The following VASH2 variants were observed in gnomAD, a reference collection of about 807,000 sequenced individuals.
VASH2 encodes tubulinyl-Tyr carboxypeptidase 2.
Under a neutral mutation model 37.2 loss-of-function variants are expected in VASH2, and 28 were observed. The observed-to-expected ratio is 0.75, with a 90% confidence interval of 0.56 to 1.03. The LOEUF (loss-of-function observed/expected upper bound fraction) is 1.03. Ranked by LOEUF, VASH2 falls within the 50% of genes least tolerant of loss-of-function variation. The pLI is 0.00. For synonymous variants in VASH2, 188 were observed against 174.7 expected (o/e 1.08, Z -0.60); for missense variants, 419 against 459.1 (o/e 0.91, Z 0.80).
intron 2 of VASH2, among the ~76,000 whole-genome samples, chr1:212,952,251 G>T (rs1666337896): frequency 6.6e-6 from 1 of 152,164 alleles, no homozygotes; most frequent in Non-Finnish European, 1.5e-5. Context: ...CCCAGCAAAT[G>T]ATTTATTAAG....
At chr1:212,956,677 T>C (rs191408156) in intron 2 of VASH2, among the ~76,000 whole-genome samples, 2 of 152,346 alleles carry the variant, frequency 1.3e-5, no homozygotes, top group African/African-American at 4.8e-5. Flanking sequence ...CTTACCAGCA[T>C]TGGGTATCTG....
chr1:212,981,487 T>G (rs1667337668), intron 7 of VASH2, among the ~76,000 whole-genome samples: 1 of 152,190 alleles, frequency 6.6e-6, no homozygotes, highest in Admixed American at 6.5e-5. Flanking sequence ...GACCTGATTC[T>G]GGCCAGACTC....
chr1:212,963,216 T>G (rs995831555), intron 3 of VASH2, among the ~76,000 whole-genome samples: 5 of 152,182 alleles, frequency 3.3e-5, no homozygotes, highest in Non-Finnish European at 7.3e-5. Flanking sequence ...TTTCCATTTT[T>G]CTCTTCTCTG....
intron 5 of VASH2, chr1:212,968,724 G>A: frequency 1.0e-6 from 1 of 985,498 alleles, no homozygotes; most frequent in Non-Finnish European, 1.2e-6. Flanking sequence ...AGTGGCAGGA[G>A]TCAGCCACAG....
At chr1:212,959,994 G>A (rs1438659115) in intron 2 of VASH2, among the ~76,000 whole-genome samples, 1 of 152,192 alleles carries the variant, frequency 6.6e-6, no homozygotes. Context: ...TGTCACCAAG[G>A]ACCCCAGGGA....
At chr1:212,953,086 G>A (rs1215711607) in intron 2 of VASH2, among the ~76,000 whole-genome samples, 1 of 152,158 alleles carries the variant, frequency 6.6e-6, no homozygotes, top group Admixed American at 6.5e-5. Context: ...GAGGAGCCGA[G>A]AGCCCTTAAA....
chr1:212,973,260 G>A (rs1305821685), intron 6 of VASH2, among the ~76,000 whole-genome samples: 1 of 152,204 alleles, frequency 6.6e-6, no homozygotes, highest in Non-Finnish European at 1.5e-5. Context: ...AGTTGTACTA[G>A]TTTGCCTGGA....
chr1:212,959,411 C>T (rs138725018), intron 2 of VASH2, among the ~76,000 whole-genome samples: 6 of 149,916 alleles, frequency 4.0e-5, no homozygotes, highest in South Asian at 2.1e-4. Flanking sequence ...ATAGCTGTGC[C>T]TGAGTGTGCA....
chr1:212,981,465 G>A (rs1236463790), intron 7 of VASH2, among the ~76,000 whole-genome samples: 4 of 152,176 alleles, frequency 2.6e-5, no homozygotes, highest in African/African-American at 4.8e-5. Context: ...ATCCTAAATC[G>A]GGGCCTGGTC....
rs1020725152 is a variant in VASH2 at position 212,958,994 on chromosome 1, G to A, written c.277-2172G>A. On this transcript the variant is annotated intron_variant, in intron 2 of 7. Transcript: ENST00000517399. The stretch of plus-strand genomic sequence containing the variant: ...TCTGCCCACCTCGGCCTCCCAAAGC[G>A]CTGGGATTACAGGCGTCAGCCACTG... Among the ~76,000 whole-genome samples the A allele has an allele frequency of 1.3e-5, 2 of 152,022 alleles. 1 individual carries two copies. Among genetic ancestry groups the A allele is most frequent in the South Asian group, 4.1e-4 (2 of 4,822 alleles).
chr1:212,973,400 TC>T (rs1315989744), intron 6 of VASH2: 2 of 1,291,742 alleles, frequency 1.5e-6, no homozygotes, highest in Admixed American at 4.6e-5. Context: ...GTGATGTGAT[TC>T]CCGCTTGTCC....
chr1:212,965,852 C>G, intron 4 of VASH2, 74 bp downstream of exon 4: 1 of 1,406,118 alleles, frequency 7.1e-7, no homozygotes, highest in South Asian at 1.2e-5. Context: ...CTCCCAACCT[C>G]TATTCCCGTA....
chr1:212,985,140 G>A (rs1667440034), intron 7 of VASH2, among the ~76,000 whole-genome samples: 1 of 150,012 alleles, frequency 6.7e-6, no homozygotes, highest in Non-Finnish European at 1.5e-5. Flanking sequence ...TCCCATCTCA[G>A]CCTTCCAAGT....
intron 5 of VASH2, 53 bp downstream of exon 5, chr1:212,966,398 A>G (rs564740694): frequency 2.2e-5 from 32 of 1,454,588 alleles, no homozygotes; most frequent in South Asian, 7.3e-5. Flanking sequence ...CGGCTTCACA[A>G]TGGGGCTTGT....
intron 2 of VASH2, among the ~76,000 whole-genome samples, chr1:212,955,907 C>T (rs764333348): frequency 2.0e-5 from 3 of 152,240 alleles, no homozygotes; most frequent in Non-Finnish European, 4.4e-5. Context: ...AGGCCCTTCA[C>T]AGGTTCCTGG....
At position 212,951,144 on chromosome 1, in the gene VASH2, T is replaced by C. The variant is rs3123304; in HGVS notation, c.-204-195T>C. 59,843 of 152,272 alleles carry C rather than the reference T, an allele frequency of 0.39. 13,905 individuals carry two copies. Among genetic ancestry groups the C allele is most frequent in the Non-Finnish European group, 0.53 (35,838 of 68,040 alleles). 9.4% of individuals were successfully genotyped at this position (152,272 alleles called of 1,614,324 possible). A position where few individuals can be genotyped will look rare whatever the true frequency, so the allele number is the denominator to read the frequency against. Reference sequence around the variant, plus strand: ...CCCCAACCCCCCGGGTTTAGGTGTGTGTGAAGCTTCGTGGCACATTTTGAG... The same window carrying C: ...CCCCAACCCCCCGGGTTTAGGTGTGCGTGAAGCTTCGTGGCACATTTTGAG... On this transcript the variant is annotated intron_variant, in intron 1 of 7. Coordinates refer to ENST00000517399, the MANE Select transcript of VASH2 (RefSeq NM_001301056.2). This position sits in a 1 kb window ranked among gnomAD's most constrained non-coding sequence, Gnocchi z 4.4.
intron 5 of VASH2, among the ~76,000 whole-genome samples, chr1:212,969,418 A>G (rs61832433): frequency 0.031 from 4,755 of 152,074 alleles, 90 homozygotes; most frequent in African/African-American, 0.047. Flanking sequence ...GGATGGTCTC[A>G]ATCTGCTGAC....
chr1:212,961,090 C>A, intron 2 of VASH2, 76 bp from the exon 3 acceptor site: 1 of 1,424,666 alleles, frequency 7.0e-7, no homozygotes, highest in East Asian at 2.3e-5. Flanking sequence ...GTGGCTTTAG[C>A]CCTCTGCCTG....
intron 2 of VASH2, among the ~76,000 whole-genome samples, chr1:212,960,431 C>G (rs1399871464): frequency 6.6e-6 from 1 of 152,174 alleles, no homozygotes; most frequent in African/African-American, 2.4e-5. Flanking sequence ...GGGATCTTCC[C>G]TAATCCATCT....
Sources: allele counts gnomAD v4.1 joint callset (sites outside exome capture counted in the v4.1 genomes callset), GRCh38; gene constraint gnomAD v4.1.1; non-coding constraint Gnocchi (gnomAD v3.1); transcripts MANE v1.5; gene names NCBI Gene and HGNC (gene_info 2026-07-23, HGNC 2026-07-21).